ADRA1A: variants seen among roughly 807,000 people sequenced by gnomAD.
ADRA1A encodes the protein adrenoceptor alpha 1A.
Under a neutral mutation model 29.6 loss-of-function variants are expected in ADRA1A, and 31 were observed. That is an observed-to-expected ratio of 1.05 (90% CI 0.79 to 1.41). The LOEUF (loss-of-function observed/expected upper bound fraction) is 1.41, where lower values mean the gene tolerates loss of function less well. ADRA1A is among the 40% of genes most tolerant of loss of function. The pLI, the probability that ADRA1A is intolerant of heterozygous loss-of-function variation, is 0.00. For missense variants in ADRA1A, 619 were observed against 601.1 expected (o/e 1.03, Z -0.31); for synonymous variants, 311 against 254.3 (o/e 1.22, Z -2.12).
At chr8:26,810,514 A>T (rs1809304367) in intron 2 of ADRA1A, among the ~76,000 whole-genome samples, 2 of 152,362 alleles carry the variant, frequency 1.3e-5, no homozygotes, top group East Asian at 1.9e-4. Context: ...TATTTACGGG[A>T]TGACCTAAAA....
chr8:26,847,232 A>T (rs1391252617), intron 2 of ADRA1A, among the ~76,000 whole-genome samples: 1 of 152,144 alleles, frequency 6.6e-6, no homozygotes, highest in Non-Finnish European at 1.5e-5. Context: ...TAATAAATAA[A>T]AAAAAGAAAC....
intron 2 of ADRA1A, among the ~76,000 whole-genome samples, chr8:26,788,968 T>C (rs1239087046): frequency 6.6e-6 from 1 of 152,182 alleles, no homozygotes; most frequent in Non-Finnish European, 1.5e-5. Flanking sequence ...AGTTCTGGGA[T>C]ACATGTGCGG....
intron 2 of ADRA1A, among the ~76,000 whole-genome samples, chr8:26,797,194 C>A (rs566411321): frequency 2.3e-4 from 35 of 152,092 alleles, no homozygotes; most frequent in Non-Finnish European, 4.9e-4. Context: ...AAATGTAGAA[C>A]AATATTACCC....
At chr8:26,853,633 T>C (rs1348226966) in intron 2 of ADRA1A, 1 of 152,222 alleles carries the variant, frequency 6.6e-6, no homozygotes, top group Non-Finnish European at 1.5e-5. Context: ...TGATGGATTA[T>C]TTGATAAGCC....
chr8:26,861,036 C>T (rs892423477), intron 2 of ADRA1A, among the ~76,000 whole-genome samples: 9 of 152,170 alleles, frequency 5.9e-5, no homozygotes, highest in African/African-American at 1.7e-4. Context: ...GGTTCCATCA[C>T]TCCTCTGGAC....
At chr8:26,757,365 T>C (rs896599924) in intron 2 of ADRA1A, among the ~76,000 whole-genome samples, 1 of 152,134 alleles carries the variant, frequency 6.6e-6, no homozygotes, top group Admixed American at 6.5e-5. Flanking sequence ...GCCACCTGCC[T>C]AGAAGGCTGC....
intron 2 of ADRA1A, among the ~76,000 whole-genome samples, chr8:26,843,044 A>G (rs908149888): frequency 2.6e-5 from 4 of 152,136 alleles, no homozygotes; most frequent in Non-Finnish European, 5.9e-5. Flanking sequence ...CCTTCCCTCT[A>G]TGGAAACTTC....
intron 2 of ADRA1A, among the ~76,000 whole-genome samples, chr8:26,838,225 A>AT (rs1563295276): frequency 6.6e-6 from 1 of 152,148 alleles, no homozygotes; most frequent in Non-Finnish European, 1.5e-5. Flanking sequence ...CAATTGATGT[A>AT]TTTTTCCTTT....
In ADRA1A at chr8:26,818,957, T is replaced by G. The variant is rs535924497; in HGVS notation, c.883+45130A>C. Among the ~76,000 whole-genome samples, 7 of 152,126 alleles carry G rather than the reference T, an allele frequency of 4.6e-5. No homozygotes were observed. In the South Asian group the frequency reaches 1.5e-3, roughly 32 times the overall value. ...AGAATGGTTGAAAACTTTCCAAAAC[T>G]TAGAAAGGATGTGGACATCCAGACT... On this transcript the variant is annotated intron_variant, in intron 2 of 2. Coordinates refer to ENST00000380573, the MANE Select transcript of ADRA1A (RefSeq NM_000680.4).
chr8:26,866,863 G>A lies in ADRA1A; in HGVS notation c.-687+73C>T. ...AGGCGCTGGGAAAAGTGGGGGTTCCGTCTCACCAGACGGCGGGGGAGGTCT... is the reference window on the plus strand; with the variant it reads ...AGGCGCTGGGAAAAGTGGGGGTTCCATCTCACCAGACGGCGGGGGAGGTCT... On this transcript the variant is annotated intron_variant, in intron 1 of 2. Coordinates refer to ENST00000380573, the MANE Select transcript of ADRA1A (RefSeq NM_000680.4). The surrounding 1 kb of genome is among the most constrained non-coding windows in gnomAD (Gnocchi z 5.7). 3 of 985,474 alleles carry A rather than the reference G, an allele frequency of 3.0e-6. No homozygotes were observed. The highest frequency in any genetic ancestry group is 3.6e-6 in the Non-Finnish European group (3 of 830,038). The allele number at this position is 985,474 out of a possible 1,614,324, so 61.0% of individuals were successfully genotyped here.
chr8:26,784,067 A>G (rs746541927), intron 2 of ADRA1A, among the ~76,000 whole-genome samples: 2 of 152,194 alleles, frequency 1.3e-5, no homozygotes, highest in Non-Finnish European at 2.9e-5. Flanking sequence ...TAGCTAATGG[A>G]TGCTGGGCTC....
chr8:26,782,538 A>G (rs1191092518), intron 2 of ADRA1A, among the ~76,000 whole-genome samples: 1 of 152,174 alleles, frequency 6.6e-6, no homozygotes, highest in Non-Finnish European at 1.5e-5. Context: ...TTTCATATAA[A>G]TGTCACATTT....
Position 26,769,857 on chromosome 8 carries a change from A to C in ADRA1A, c.*292T>G. ...TTATAGTCTTTTGGATTGTGCATGA[A>C]ATTCTGTTTCCCATGGTGGTTTTCG... On this transcript the variant is annotated 3_prime_UTR_variant, in exon 3 of 3. Coordinates refer to ENST00000380573, the MANE Select transcript of ADRA1A (RefSeq NM_000680.4). 8.7e-7 allele frequency: 1 copy of C among 1,153,326 alleles called. No homozygotes were observed. Among genetic ancestry groups the C allele is most frequent in the Non-Finnish European group, 1.1e-6 (1 of 937,446 alleles). The allele number at this position is 1,153,326 out of a possible 1,614,324, so 71.4% of individuals were successfully genotyped here. A position where few individuals can be genotyped will look rare whatever the true frequency, so the allele number is the denominator to read the frequency against.
intron 2 of ADRA1A, among the ~76,000 whole-genome samples, chr8:26,832,567 G>A (rs1417646973): frequency 6.6e-6 from 1 of 152,118 alleles, no homozygotes; most frequent in East Asian, 1.9e-4. Context: ...GCTGAAGATG[G>A]TGTATGGCAC....
chr8:26,811,432 TC>T (rs1809387552), intron 2 of ADRA1A, among the ~76,000 whole-genome samples: 1 of 152,180 alleles, frequency 6.6e-6, no homozygotes, highest in African/African-American at 2.4e-5. Context: ...GACCTCGTGA[TC>T]CACCCACCTC....
At chr8:26,839,366 G>C (rs936131931) in intron 2 of ADRA1A, among the ~76,000 whole-genome samples, 1 of 152,074 alleles carries the variant, frequency 6.6e-6, no homozygotes, top group Non-Finnish European at 1.5e-5. Context: ...CACTGTGTTA[G>C]CCAGGATGGT....
chr8:26,819,791 C>A (rs1328230065), intron 2 of ADRA1A, among the ~76,000 whole-genome samples: 1 of 152,028 alleles, frequency 6.6e-6, no homozygotes, highest in Non-Finnish European at 1.5e-5. Flanking sequence ...GGATTAAATT[C>A]TTCAATAAAA....
chr8:26,759,293 G>A (rs1805374079), intron 2 of ADRA1A, among the ~76,000 whole-genome samples: 1 of 152,174 alleles, frequency 6.6e-6, no homozygotes, highest in Non-Finnish European at 1.5e-5. Context: ...GACGGGGCCA[G>A]ATAAGCTGCT....
chr8:26,778,287 G>A (rs1563245127), intron 2 of ADRA1A, among the ~76,000 whole-genome samples: 2 of 152,136 alleles, frequency 1.3e-5, no homozygotes, highest in Non-Finnish European at 1.5e-5. Flanking sequence ...ACCTCCTTGT[G>A]TCCAATAAAT....
Sources: allele counts gnomAD v4.1 joint callset (sites outside exome capture counted in the v4.1 genomes callset), GRCh38; gene constraint gnomAD v4.1.1; non-coding constraint Gnocchi (gnomAD v3.1); transcripts MANE v1.5; gene names NCBI Gene and HGNC (gene_info 2026-07-23, HGNC 2026-07-21).